Variants in COL18A1 observed in about 807,000 individuals in gnomAD.
COL18A1 encodes the protein collagen alpha-1(XVIII) chain.
A neutral mutation model predicts 168.0 loss-of-function variants in COL18A1; 133 were observed. That is an observed-to-expected ratio of 0.79 (90% CI 0.69 to 0.91). The LOEUF is 0.91. COL18A1 is among the 40% of genes least tolerant of loss of function. The pLI is 0.00. For missense variants in COL18A1, 2,126 were observed against 1,925.4 expected, an observed-to-expected ratio of 1.10 and a Z score of -1.95; for synonymous variants, 949 against 809.0, an observed-to-expected ratio of 1.17 and a Z score of -2.94.
chr21:45,429,366 T>C (rs2026887), intron 2 of COL18A1, among the ~76,000 whole-genome samples: 62,492 of 152,094 alleles, frequency 0.41, 15,023 homozygotes, highest in African/African-American at 0.68. Flanking sequence ...CTGTGGGTGA[T>C]GGTCGCTGTC....
intron 32 of COL18A1, among the ~76,000 whole-genome samples, chr21:45,502,192 C>T (rs1255737264): frequency 6.6e-6 from 1 of 152,198 alleles, no homozygotes; most frequent in South Asian, 2.1e-4. Flanking sequence ...AGGGACGGCT[C>T]CTGTGGGATG....
rs1602653759 is a variant in COL18A1, at chr21:45,510,320, G to C, written c.3693+59G>C. 18 of 1,524,248 alleles carry C rather than the reference G, an allele frequency of 1.2e-5. No homozygotes were observed. In the East Asian group the frequency reaches 4.4e-4, roughly 37 times the overall value. 94.4% of individuals were successfully genotyped at this position (1,524,248 alleles called of 1,614,324 possible). A position where few individuals can be genotyped will look rare whatever the true frequency, so the allele number is the denominator to read the frequency against. ...TCGGCCCCCACTTGACCTCTGGGGT[G>C]AACTCCCAGCGGGGAGCTCCCCTCT... On this transcript the variant is annotated intron_variant, in intron 40 of 41. Coordinates refer to ENST00000651438, the MANE Select transcript of COL18A1 (RefSeq NM_001379500.1).
chr21:45,501,720 G>C (rs1052815559), intron 32 of COL18A1, among the ~76,000 whole-genome samples: 1 of 130,824 alleles, frequency 7.6e-6, no homozygotes, highest in African/African-American at 2.9e-5. Context: ...ACCTCCCTCT[G>C]CAGAAGGACC....
intron 15 of COL18A1, among the ~76,000 whole-genome samples, chr21:45,484,743 CAT>C (rs553933595): frequency 1.1e-4 from 17 of 152,334 alleles, no homozygotes; most frequent in African/African-American, 3.1e-4. Context: ...TGTACACACA[CAT>C]GTATTTGTAG....
intron 3 of COL18A1, among the ~76,000 whole-genome samples, chr21:45,469,005 T>G (rs937463471): frequency 5.9e-5 from 9 of 152,232 alleles, no homozygotes; most frequent in African/African-American, 2.2e-4. Flanking sequence ...CTGGCTGGGG[T>G]GGCATTCACT....
At chr21:45,405,875 G>A (rs62216280) in intron 2 of COL18A1, among the ~76,000 whole-genome samples, 60,121 of 151,640 alleles carry the variant, frequency 0.4, 13,255 homozygotes, top group South Asian at 0.58. Flanking sequence ...GAAGGCGGCG[G>A]AGCGCGGGGC....
intron 20 of COL18A1, among the ~76,000 whole-genome samples, 174 bp downstream of exon 20, chr21:45,490,520 ACTCCCG>A (rs2036289495): frequency 2.2e-5 from 1 of 44,712 alleles, no homozygotes; most frequent in African/African-American, 1.1e-4. Context: ...CCGTGTGCCC[ACTCCCG>A]GGTCTCTGGG....
At chr21:45,458,091 G>C (rs1322406488) in intron 2 of COL18A1, among the ~76,000 whole-genome samples, 1 of 130,384 alleles carries the variant, frequency 7.7e-6, no homozygotes, top group Admixed American at 8.3e-5. Context: ...ACGTGGGCTG[G>C]AATGGAGGGG....
chr21:45,426,888 G>T (rs777483189), intron 2 of COL18A1, among the ~76,000 whole-genome samples: 1 of 152,228 alleles, frequency 6.6e-6, no homozygotes, highest in Non-Finnish European at 1.5e-5. Flanking sequence ...GGAAGGAGCT[G>T]CCTCTTGAAC....
rs527416325 is a variant in COL18A1, at chr21:45,454,254, T to C, written c.107-13988T>C. 7.2e-5 allele frequency among the ~76,000 whole-genome samples: 11 copies of C among 152,216 alleles called. No homozygotes were observed. The East Asian group carries it at 1.9e-3, about 27-fold the overall frequency. ...GGTCCCAAGCAGCCCAGCCCTGCCC[T>C]GTGGACAGCAATCGACCGATGGCTA... is the stretch of plus-strand genomic sequence containing the variant. On this transcript the variant is annotated intron_variant, in intron 2 of 41. Coordinates refer to ENST00000651438, the MANE Select transcript of COL18A1 (RefSeq NM_001379500.1).
chr21:45,487,710 G>C (rs968296177), intron 17 of COL18A1: 3 of 712,780 alleles, frequency 4.2e-6, no homozygotes, highest in Non-Finnish European at 7.6e-6. Flanking sequence ...CTAAAGTCAC[G>C]GGGTGAGGGC....
At chr21:45,446,258 A>G (rs2034503499) in intron 2 of COL18A1, among the ~76,000 whole-genome samples, 1 of 151,480 alleles carries the variant, frequency 6.6e-6, no homozygotes, top group South Asian at 2.1e-4. Flanking sequence ...TTATTCCAGA[A>G]CCCTCAGTTC....
Position 45,504,519 on chromosome 21 carries a change from CAGG to C in COL18A1, c.2832_2834del (p.Gly945del), listed in dbSNP as rs757780135. 1,962 of 17,336 alleles carry C rather than the reference CAGG, an allele frequency of 0.11. 3 individuals carry two copies. Among genetic ancestry groups the C allele is most frequent in the Admixed American group, 0.21 (23 of 110 alleles). 1.1% of individuals were successfully genotyped at this position (17,336 alleles called of 1,614,324 possible). ...AGCCTGCCCGGCCCCCCCGGCCCCC[CAGG>C]CCCCCCAGGCCCACGTGGCTACCCT... On this transcript the variant is annotated inframe_deletion, in exon 34 of 42. Transcript: ENST00000651438.
At chr21:45,500,320 TGTGAGGG>T (rs2036719083) in intron 32 of COL18A1, among the ~76,000 whole-genome samples, 2 of 30,760 alleles carry the variant, frequency 6.5e-5, no homozygotes, top group African/African-American at 2.9e-4. Flanking sequence ...GTAGTGGGGG[TGTGAGGG>T]GTGTGGAGTG....
chr21:45,460,798 C>T (rs945433323), intron 2 of COL18A1, among the ~76,000 whole-genome samples: 2 of 152,200 alleles, frequency 1.3e-5, no homozygotes, highest in African/African-American at 2.4e-5. Flanking sequence ...CTAAGCTTCT[C>T]GTAAATTCTC....
chr21:45,491,346 T>TGTCCA (rs1249281233), intron 22 of COL18A1, 32 bp downstream of exon 22: 1 of 1,457,080 alleles, frequency 6.9e-7, no homozygotes, highest in Non-Finnish European at 9.6e-7. Context: ...GCACCCAATC[T>TGTCCA]GTCCAGACCC....
intron 2 of COL18A1, among the ~76,000 whole-genome samples, chr21:45,460,211 G>A (rs2145867715): frequency 6.6e-6 from 1 of 152,348 alleles, no homozygotes; most frequent in East Asian, 1.9e-4. Context: ...CAGCCGGGGA[G>A]CACCAGGAGA....
Position 45,483,009 on chromosome 21 carries a change from C to T in COL18A1, c.1701+188C>T, listed in dbSNP as rs148682250. 2.8e-4 allele frequency among the ~76,000 whole-genome samples: 43 copies of T among 152,344 alleles called. No homozygotes were observed. The South Asian group carries it at 2.9e-3, about 10-fold the overall frequency. The stretch of plus-strand genomic sequence containing the variant: ...CGGGCAGCAGCCTCTGTCACTCTGG[C>T]GAGGTGGCTTCGGCCCTTGTCACTT... On this transcript the variant is annotated intron_variant, in intron 15 of 41. Coordinates refer to ENST00000651438, the MANE Select transcript of COL18A1 (RefSeq NM_001379500.1).
In COL18A1 at chr21:45,405,491, C is replaced by T. The variant is rs1338984673; in HGVS notation, c.106+18C>T. 2 of 1,336,634 alleles carry T rather than the reference C, an allele frequency of 1.5e-6. No homozygotes were observed. Among genetic ancestry groups the T allele is most frequent in the Non-Finnish European group, 1.9e-6 (2 of 1,033,456 alleles). 82.8% of individuals were successfully genotyped at this position (1,336,634 alleles called of 1,614,324 possible). A position where few individuals can be genotyped will look rare whatever the true frequency, so the allele number is the denominator to read the frequency against. ...GGAGCCAGGTAAGACCCGGGCGGGA[C>T]GGGAAGGTTCGCGCCGGTGCCCGCC... On this transcript the variant is annotated intron_variant, in intron 2 of 41. Coordinates refer to ENST00000651438, the MANE Select transcript of COL18A1 (RefSeq NM_001379500.1).
Sources: gnomAD v4.1 joint callset for allele counts (sites outside exome capture counted in the v4.1 genomes callset) on GRCh38, gnomAD v4.1.1 for gene constraint, MANE v1.5 for transcripts, NCBI Gene and HGNC (gene_info 2026-07-23, HGNC 2026-07-21) for gene names.